Variants in NUP93 observed in about 807,000 individuals in gnomAD.
NUP93 encodes nuclear pore complex protein Nup93.
A neutral mutation model predicts 107.8 loss-of-function variants in NUP93; 55 were observed. That is an observed-to-expected ratio of 0.51 (90% CI 0.41 to 0.64). NUP93 has a LOEUF of 0.64. Among genes scored for constraint, NUP93 ranks in the 30% least tolerant of loss-of-function variants. NUP93 has a pLI of 0.00. For missense variants in NUP93, 937 were observed against 1,044.7 expected, an observed-to-expected ratio of 0.90 and a Z score of 1.42; for synonymous variants, 390 against 397.5, an observed-to-expected ratio of 0.98 and a Z score of 0.22.
At chr16:56,754,183 G>A (rs570708422) in intron 2 of NUP93, among the ~76,000 whole-genome samples, 92 of 151,892 alleles carry the variant, frequency 6.1e-4, no homozygotes, top group African/African-American at 2.1e-3. Flanking sequence ...GGGAACTCAC[G>A]GTCATGAGAA....
chr16:56,830,145 G>A (rs543878039), intron 9 of NUP93, among the ~76,000 whole-genome samples: 3 of 152,314 alleles, frequency 2.0e-5, no homozygotes, highest in Middle Eastern at 3.4e-3. Context: ...GACATCTTTA[G>A]CCTTTGCTTT....
rs1963917031 is a variant in NUP93 at position 56,836,610 on chromosome 16, A to G, written c.1792A>G (p.Ile598Val). 6.2e-7 allele frequency: 1 copy of G among 1,608,206 alleles called. No homozygotes were observed. The highest frequency in any genetic ancestry group is 8.5e-7 in the Non-Finnish European group (1 of 1,174,790). ...TAATTTGTCTTGTCAGCCTGGAGTC[A>G]TAGATAAGTTTACTAGTGACACAAA... Reference protein sequence around the residue: ...ENDGSRKPGVIDKFTSDTKPI... With the variant: ...ENDGSRKPGVVDKFTSDTKPI... Residue 598 changes from isoleucine (I) to valine (V), a missense_variant, in exon 17 of 22, where the codon ATA becomes GTA. Ile to Val is a conservative substitution (Grantham distance 29). Coordinates refer to ENST00000308159, the MANE Select transcript of NUP93 (RefSeq NM_014669.5).
At chr16:56,784,063 T>G (rs1270451761) in intron 3 of NUP93, among the ~76,000 whole-genome samples, 1 of 152,200 alleles carries the variant, frequency 6.6e-6, no homozygotes, top group Non-Finnish European at 1.5e-5. Context: ...AAATAGGTTT[T>G]GTGAGTGATT....
At position 56,850,027 on chromosome 16, in the gene NUP93, T is replaced by G. The variant is rs1413822657; in HGVS notation, c.*5418T>G. On this transcript the variant is annotated 3_prime_UTR_variant, in exon 22 of 22. Coordinates refer to ENST00000308159, the MANE Select transcript of NUP93 (RefSeq NM_014669.5). ...GAGCCAAAGTACAGCCTTTTCTCACTTGATCAGTAACTTGTGTTAGAAACT... is the reference window on the plus strand; with the variant it reads ...GAGCCAAAGTACAGCCTTTTCTCACGTGATCAGTAACTTGTGTTAGAAACT... 6.6e-6 allele frequency: 1 copy of G among 152,232 alleles called. No individual in the cohort carries two copies. The highest frequency in any genetic ancestry group is 1.5e-5 in the Non-Finnish European group (1 of 68,038). 9.4% of individuals were successfully genotyped at this position (152,232 alleles called of 1,614,324 possible). A position where few individuals can be genotyped will look rare whatever the true frequency, so the allele number is the denominator to read the frequency against.
chr16:56,734,235 A>G lies in NUP93; in HGVS notation c.-15+4024A>G, dbSNP rs565270869. Among the ~76,000 whole-genome samples, 15 of 152,336 alleles carry G rather than the reference A, an allele frequency of 9.8e-5. No homozygotes were observed. The East Asian group carries it at 2.9e-3, about 29-fold the overall frequency. On this transcript the variant is annotated intron_variant, in intron 1 of 21. Coordinates refer to ENST00000308159, the MANE Select transcript of NUP93 (RefSeq NM_014669.5). ...TGGGGTGTGCTGAGAAGCTTCTTTA[A>G]AAAGGAAACCTTTGAGCAGAGATTT...
intron 2 of NUP93, among the ~76,000 whole-genome samples, chr16:56,751,758 G>T (rs1961924124): frequency 6.6e-6 from 1 of 152,118 alleles, no homozygotes; most frequent in South Asian, 2.1e-4. Flanking sequence ...AACAGTCCTT[G>T]TCCTTCTACT....
intron 3 of NUP93, among the ~76,000 whole-genome samples, chr16:56,778,629 G>A (rs1406847531): frequency 6.6e-6 from 1 of 152,162 alleles, no homozygotes; most frequent in Non-Finnish European, 1.5e-5. Flanking sequence ...GTGCCTGATG[G>A]GCTTAAGAAG....
chr16:56,829,259 G>C (rs755549837), intron 9 of NUP93, 150 bp downstream of exon 9: 5 of 959,204 alleles, frequency 5.2e-6, no homozygotes, highest in Admixed American at 2.7e-5. Context: ...AGACCTCTTA[G>C]GAGGCTGATA....
chr16:56,731,347 G>A (rs1252431293), intron 1 of NUP93, among the ~76,000 whole-genome samples: 1 of 151,412 alleles, frequency 6.6e-6, no homozygotes, highest in East Asian at 1.9e-4. Context: ...GAAAGACCTT[G>A]GCTAATAACT....
rs766227416 is a variant in NUP93, at chr16:56,839,049, C to T, written c.2116C>T (p.His706Tyr). Residue 706 changes from histidine to tyrosine, a missense_variant, in exon 19 of 22, where the codon CAT becomes TAT. His to Tyr is a moderately conservative substitution (Grantham distance 83). Coordinates refer to ENST00000308159, the MANE Select transcript of NUP93 (RefSeq NM_014669.5). Reference sequence around the variant, plus strand: ...CTTTTTTGACGAGTATCATAGTGGTCATATTGATAGAGCTTTTGATGTAAG... The same window carrying T: ...CTTTTTTGACGAGTATCATAGTGGTTATATTGATAGAGCTTTTGATGTAAG... The part of the protein sequence containing the change: ...ITFFDEYHSG[H>Y]IDRAFDIIER... 1.2e-6 allele frequency: 2 copies of T among 1,612,172 alleles called. No homozygotes were observed. The highest frequency in any genetic ancestry group is 1.7e-6 in the Non-Finnish European group (2 of 1,178,632).
chr16:56,737,568 C>CCATAGA (rs1209229458), intron 1 of NUP93, among the ~76,000 whole-genome samples: 1 of 152,102 alleles, frequency 6.6e-6, no homozygotes, highest in African/African-American at 2.4e-5. Context: ...ATCTTTAGTC[C>CCATAGA]CATAGATTCA....
At position 56,768,866 on chromosome 16, in the gene NUP93, C is replaced by CAAAAAA. The variant is rs10674596; in HGVS notation, c.297+10221_297+10226dup. ...TGGGGGACAGAGCAAGACTCTGTCT[C>CAAAAAA]AAAAAAAAAAAAAAATTGACTTTTG... On this transcript the variant is annotated intron_variant, in intron 3 of 21. Transcript: ENST00000308159. 6.6e-5 allele frequency among the ~76,000 whole-genome samples: 9 copies of CAAAAAA among 135,586 alleles called. No homozygotes were observed. In the East Asian group the frequency reaches 1.5e-3, roughly 23 times the overall value. The allele number at this position is 135,586 out of a possible 152,430, so 88.9% of individuals were successfully genotyped here. A position where few individuals can be genotyped will look rare whatever the true frequency, so the allele number is the denominator to read the frequency against.
chr16:56,730,712 C>T (rs1961520400), intron 1 of NUP93, among the ~76,000 whole-genome samples: 1 of 152,190 alleles, frequency 6.6e-6, no homozygotes, highest in African/African-American at 2.4e-5. Flanking sequence ...TTTGTACATC[C>T]AGGAGGATGC....
At position 56,841,791 on chromosome 16, in the gene NUP93, C is replaced by T; in HGVS notation, c.2307C>T (p.Ser769=). The T allele has an allele frequency of 6.2e-7, 1 of 1,614,238 alleles. No individual in the cohort carries two copies. Among genetic ancestry groups the T allele is most frequent in the South Asian group, 1.1e-5 (1 of 91,082 alleles). The change falls in exon 21 of 22, where the codon TCC becomes TCT. Residue 769 remains serine, a synonymous_variant. Coordinates refer to ENST00000308159, the MANE Select transcript of NUP93 (RefSeq NM_014669.5). Reference sequence around the variant, plus strand: ...AGAGGCTCAAGGGGACAAGTCCATCCTCGTCATCCAGGCCCCAGCGAGTCA... The same window carrying T: ...AGAGGCTCAAGGGGACAAGTCCATCTTCGTCATCCAGGCCCCAGCGAGTCA... ...QFKRLKGTSP[S]SSSRPQRVIE...
In NUP93 at chr16:56,831,629, A is replaced by G. The variant is rs1963787575; in HGVS notation, c.1086-213A>G. The G allele has an allele frequency of 1.6e-5, 8 of 496,504 alleles. No individual in the cohort carries two copies. The South Asian group carries it at 2.0e-4, about 12-fold the overall frequency. 30.8% of individuals were successfully genotyped at this position (496,504 alleles called of 1,614,324 possible). A position where few individuals can be genotyped will look rare whatever the true frequency, so the allele number is the denominator to read the frequency against. On this transcript the variant is annotated intron_variant, in intron 10 of 21. Coordinates refer to ENST00000308159, the MANE Select transcript of NUP93 (RefSeq NM_014669.5). The stretch of plus-strand genomic sequence containing the variant: ...CCCATGAAGGCCTCAGCAAATAGAA[A>G]ACCGGCAGGCCAATAGATACAGGTG...
intron 20 of NUP93, among the ~76,000 whole-genome samples, chr16:56,840,724 G>A (rs1393068472): frequency 2.0e-5 from 3 of 152,172 alleles, no homozygotes; most frequent in East Asian, 1.9e-4. Context: ...AGCCAGGTGC[G>A]GTGGCTCACA....
At chr16:56,801,581 T>G (rs1478896039) in intron 4 of NUP93, among the ~76,000 whole-genome samples, 1 of 152,074 alleles carries the variant, frequency 6.6e-6, no homozygotes, top group Non-Finnish European at 1.5e-5. Flanking sequence ...CCCAGCTAAT[T>G]TTTGTATTTT....
chr16:56,825,061 A>ATT (rs1166714389), intron 8 of NUP93, among the ~76,000 whole-genome samples: 1 of 145,738 alleles, frequency 6.9e-6, no homozygotes. Context: ...CTTCCCAGGA[A>ATT]TTTTTTTTTT....
intron 3 of NUP93, among the ~76,000 whole-genome samples, chr16:56,780,062 C>G (rs1314462359): frequency 6.6e-6 from 1 of 152,160 alleles, no homozygotes; most frequent in Non-Finnish European, 1.5e-5. Flanking sequence ...CCAGGATTGT[C>G]TTTTGTTCAG....
Sources: allele counts gnomAD v4.1 joint callset (sites outside exome capture counted in the v4.1 genomes callset), GRCh38; gene constraint gnomAD v4.1.1; transcripts MANE v1.5; gene names NCBI Gene and HGNC (gene_info 2026-07-23, HGNC 2026-07-21).